FBXO45: variants seen among roughly 807,000 people sequenced by gnomAD.
FBXO45 encodes the protein F-box/SPRY domain-containing protein 1.
Under a neutral mutation model 25.5 loss-of-function variants are expected in FBXO45, and 3 were observed. That is an observed-to-expected ratio of 0.12 (90% confidence interval 0.05 to 0.30). FBXO45 has a LOEUF of 0.30. Among genes scored for constraint, FBXO45 ranks in the 10% least tolerant of loss-of-function variants. The pLI, the probability that FBXO45 is intolerant of heterozygous loss-of-function variation, is 1.00. For missense variants in FBXO45, 219 were observed against 365.0 expected (o/e 0.60, Z 3.26); for synonymous variants, 155 against 149.8 (o/e 1.03, Z -0.25).
At chr3:196,573,938 CTTTTT>C (rs34587292) in intron 1 of FBXO45, among the ~76,000 whole-genome samples, 5 of 125,754 alleles carry the variant, frequency 4.0e-5, no homozygotes, top group African/African-American at 9.2e-5. Flanking sequence ...CTTTATTTTC[CTTTTT>C]TTTTTTTTTT....
chr3:196,576,116 A>C (rs995977853), intron 1 of FBXO45, among the ~76,000 whole-genome samples: 1 of 152,210 alleles, frequency 6.6e-6, no homozygotes, highest in Admixed American at 6.5e-5. Context: ...TCTGTTTTTA[A>C]ATCTGCGCTC....
At chr3:196,572,690 G>C (rs1735848584) in intron 1 of FBXO45, among the ~76,000 whole-genome samples, 1 of 152,144 alleles carries the variant, frequency 6.6e-6, no homozygotes, top group Admixed American at 6.5e-5. Context: ...TGATTATTTT[G>C]CATTTTAAGA....
Position 196,569,093 on chromosome 3 carries a change from G to GGCCGGGT in FBXO45, c.114_115insGTGCCGG (p.Leu39ValfsTer38), listed in dbSNP as rs1178246751. 1 of 1,471,566 alleles carries GGCCGGGT rather than the reference G, an allele frequency of 6.8e-7. No homozygotes were observed. Among genetic ancestry groups the GGCCGGGT allele is most frequent in the Non-Finnish European group, 9.1e-7 (1 of 1,100,924 alleles). 91.2% of individuals were successfully genotyped at this position (1,471,566 alleles called of 1,614,324 possible). On this transcript the variant is annotated frameshift_variant, in exon 1 of 3. Coordinates refer to ENST00000311630, the MANE Select transcript of FBXO45 (RefSeq NM_001105573.2). LOFTEE classifies it high-confidence loss of function. The surrounding 1 kb of genome is among the most constrained non-coding windows in gnomAD (Gnocchi z 4.1). ...GGGCTCTGGGGCCGCGGGGGCCGGG[G>GGCCGGGT]GCCGGCTGCCCAGCCGGGTGCTGGA...
Position 196,584,312 on chromosome 3 carries a change from C to G in FBXO45, c.855C>G (p.Asp285Glu), listed in dbSNP as rs754043614. The G allele has an allele frequency of 9.4e-6, 15 of 1,602,128 alleles. No individual in the cohort carries two copies. Among genetic ancestry groups the G allele is most frequent in the Non-Finnish European group, 1.3e-5 (15 of 1,176,298 alleles). The change falls in exon 3 of 3, where the codon GAC becomes GAG. Residue 285 changes from aspartate to glutamate, a missense_variant. By Grantham distance (45) the Asp-to-Glu change is conservative (BLOSUM62 2). Around this residue, in one of 4 missense-constraint regions of FBXO45, gnomAD observed 16 missense variants for 52.3 expected, o/e 0.31. Coordinates refer to ENST00000311630, the MANE Select transcript of FBXO45 (RefSeq NM_001105573.2). The surrounding 1 kb of genome is among the most constrained non-coding windows in gnomAD (Gnocchi z 4.3). ...TGGTTTACCTTGGAAAACCTTTGGA[C>G]GGATGACAGTGGCTTTCTTGTGATG... is the stretch of plus-strand genomic sequence containing the variant. ...VTLVYLGKPL[D>E]G
chr3:196,577,250 G>A (rs567365785), intron 1 of FBXO45, among the ~76,000 whole-genome samples: 1 of 144,112 alleles, frequency 6.9e-6, no homozygotes, highest in South Asian at 2.2e-4. Flanking sequence ...GGTCAGTGAT[G>A]AAACGGTTGG....
At chr3:196,577,069 C>T (rs1407230870) in intron 1 of FBXO45, among the ~76,000 whole-genome samples, 1 of 152,176 alleles carries the variant, frequency 6.6e-6, no homozygotes, top group Non-Finnish European at 1.5e-5. Context: ...TTTCATGTTT[C>T]TATTGCACAC....
At chr3:196,573,938 C>CTT (rs34587292) in intron 1 of FBXO45, among the ~76,000 whole-genome samples, 27,198 of 125,682 alleles carry the variant, frequency 0.22, 3,650 homozygotes, top group African/African-American at 0.3. Context: ...CTTTATTTTC[C>CTT]TTTTTTTTTT....
chr3:196,584,918 TGTTCTA>T lies in FBXO45; in HGVS notation c.*607_*612del, dbSNP rs1736079699. On this transcript the variant is annotated 3_prime_UTR_variant, in exon 3 of 3. Transcript: ENST00000311630. This position sits in a 1 kb window ranked among gnomAD's most constrained non-coding sequence, Gnocchi z 4.3. ...AAAAGAAAGGACAAACAGGTTGTTT[TGTTCTA>T]GTTCTAATTTCTTAAAAACCACTAC... 6.6e-6 allele frequency: 1 copy of T among 152,048 alleles called. No homozygotes were observed. The highest frequency in any genetic ancestry group is 2.4e-5 in the African/African-American group (1 of 41,434). 9.4% of individuals were successfully genotyped at this position (152,048 alleles called of 1,614,324 possible).
intron 2 of FBXO45, among the ~76,000 whole-genome samples, chr3:196,580,061 C>T (rs1042229251): frequency 2.0e-5 from 3 of 152,078 alleles, no homozygotes; most frequent in Middle Eastern, 3.4e-3. Context: ...GGCGCAATCT[C>T]GGCTCACCGC....
In FBXO45 at chr3:196,569,907, C is replaced by T. The variant is rs192389772; in HGVS notation, c.318+605C>T. ...ACGTCCACGGGCACCACCTAACATA[C>T]TGCTTTGTCCTGCTGTTATTGGCTG... is the stretch of plus-strand genomic sequence containing the variant. On this transcript the variant is annotated intron_variant, in intron 1 of 2. Coordinates refer to ENST00000311630, the MANE Select transcript of FBXO45 (RefSeq NM_001105573.2). The surrounding 1 kb of genome is among the most constrained non-coding windows in gnomAD (Gnocchi z 4.1). Among the ~76,000 whole-genome samples the T allele has an allele frequency of 1.3e-5, 2 of 152,334 alleles. No homozygotes were observed. Among genetic ancestry groups the T allele is most frequent in the East Asian group, 3.9e-4 (2 of 5,192 alleles).
rs565312275 is a variant in FBXO45, at chr3:196,585,691, A to T, written c.*1373A>T. On this transcript the variant is annotated 3_prime_UTR_variant, in exon 3 of 3. Transcript: ENST00000311630. Reference sequence around the variant, plus strand: ...CTTTTGAATTAATAATCCAACCCACATGAGCTGAGAGTTTTTCTTTTGTTA... The same window carrying T: ...CTTTTGAATTAATAATCCAACCCACTTGAGCTGAGAGTTTTTCTTTTGTTA... 6.6e-6 allele frequency: 1 copy of T among 152,372 alleles called. No homozygotes were observed. The highest frequency in any genetic ancestry group is 1.5e-5 in the Non-Finnish European group (1 of 68,034). 9.4% of individuals were successfully genotyped at this position (152,372 alleles called of 1,614,324 possible).
In FBXO45 at chr3:196,568,883, G is replaced by T. The variant is rs1735705548; in HGVS notation, c.-102G>T. On this transcript the variant is annotated 5_prime_UTR_variant, in exon 1 of 3. Coordinates refer to ENST00000311630, the MANE Select transcript of FBXO45 (RefSeq NM_001105573.2). ...CCGGCGGTTGGCACTGACAGGGGCG[G>T]TGAGCGAGCCGCTCCGGTCTCCGGG... is the stretch of plus-strand genomic sequence containing the variant. 1 of 892,172 alleles carries T rather than the reference G, an allele frequency of 1.1e-6. No individual in the cohort carries two copies. Among genetic ancestry groups the T allele is most frequent in the South Asian group, 5.0e-5 (1 of 20,012 alleles). The allele number at this position is 892,172 out of a possible 1,614,324, so 55.3% of individuals were successfully genotyped here.
intron 1 of FBXO45, among the ~76,000 whole-genome samples, chr3:196,576,827 T>A (rs1233695839): frequency 6.6e-6 from 1 of 152,172 alleles, no homozygotes; most frequent in East Asian, 1.9e-4. Context: ...GGATCTAAGG[T>A]AGTTTGTGTT....
At chr3:196,583,624 A>G (rs1025514699) in intron 2 of FBXO45, among the ~76,000 whole-genome samples, 5 of 152,258 alleles carry the variant, frequency 3.3e-5, no homozygotes, top group Non-Finnish European at 7.3e-5. Flanking sequence ...AACCTTAAGA[A>G]AAACCTTTAA....
chr3:196,571,984 CCTTA>C, intron 1 of FBXO45, among the ~76,000 whole-genome samples: 1 of 152,170 alleles, frequency 6.6e-6, no homozygotes, highest in African/African-American at 2.4e-5. Context: ...AGAAATTGCT[CCTTA>C]CTGTTACAGA....
chr3:196,577,414 A>T, intron 1 of FBXO45, 39 bp from the exon 2 acceptor site: 5 of 1,413,022 alleles, frequency 3.5e-6, no homozygotes, highest in Non-Finnish European at 4.8e-6. Flanking sequence ...TAAGAAAAAT[A>T]AAATTGTTAT....
In FBXO45 at chr3:196,575,775, C is replaced by G. The variant is rs554192695; in HGVS notation, c.319-1678C>G. 4.0e-5 allele frequency among the ~76,000 whole-genome samples: 6 copies of G among 151,364 alleles called. No individual in the cohort carries two copies. In the East Asian group the frequency reaches 1.2e-3, roughly 30 times the overall value. ...CACTGCATCCTCTGCCTCCTGGGCT[C>G]AAGCATTCCTTCTGCCTCAGCCTCC... On this transcript the variant is annotated intron_variant, in intron 1 of 2. Transcript: ENST00000311630.
chr3:196,569,784 C>T lies in FBXO45; in HGVS notation c.318+482C>T, dbSNP rs970040610. Among the ~76,000 whole-genome samples the T allele has an allele frequency of 9.9e-5, 15 of 152,074 alleles. No individual in the cohort carries two copies. Among genetic ancestry groups the T allele is most frequent in the African/African-American group, 3.4e-4 (14 of 41,380 alleles). On this transcript the variant is annotated intron_variant, in intron 1 of 2. Coordinates refer to ENST00000311630, the MANE Select transcript of FBXO45 (RefSeq NM_001105573.2). The surrounding 1 kb of genome is among the most constrained non-coding windows in gnomAD (Gnocchi z 4.1). ...TTAACCATTTGTTTTCATTATTTTCCCCCAAGTTCTCTTTAGTTCCCTCCA... is the reference window on the plus strand; with the variant it reads ...TTAACCATTTGTTTTCATTATTTTCTCCCAAGTTCTCTTTAGTTCCCTCCA...
At chr3:196,580,118 G>A (rs1344193953) in intron 2 of FBXO45, among the ~76,000 whole-genome samples, 2 of 150,932 alleles carry the variant, frequency 1.3e-5, no homozygotes, top group African/African-American at 2.4e-5. Context: ...TCAGCCTCCC[G>A]AGTAGCTGGG....
Sources: allele counts gnomAD v4.1 joint callset (sites outside exome capture counted in the v4.1 genomes callset), GRCh38; gene constraint gnomAD v4.1.1; regional missense constraint gnomAD v4.1.1; non-coding constraint Gnocchi (gnomAD v3.1); transcripts MANE v1.5; gene names NCBI Gene and HGNC (gene_info 2026-07-23, HGNC 2026-07-21).